The following FAR1 variants were observed in gnomAD, a reference collection of about 807,000 sequenced individuals.
The protein encoded by FAR1 is male sterility domain-containing protein 2.
In FAR1, 22 loss-of-function variants were observed where a neutral mutation model predicts 61.1. That is an observed-to-expected ratio of 0.36 (90% confidence interval 0.26 to 0.51). The LOEUF (loss-of-function observed/expected upper bound fraction) is 0.51. Among genes scored for constraint, FAR1 ranks in the 20% least tolerant of loss-of-function variants. The pLI is 0.95. For synonymous variants in FAR1, 206 were observed against 209.7 expected (o/e 0.98, Z 0.15); for missense variants, 359 against 626.9 (o/e 0.57, Z 4.56).
At chr11:13,695,760 C>G (rs1242855911) in intron 2 of FAR1, among the ~76,000 whole-genome samples, 1 of 152,140 alleles carries the variant, frequency 6.6e-6, no homozygotes, top group Non-Finnish European at 1.5e-5. Flanking sequence ...TAGCAACCAA[C>G]CAGACTTTTG....
chr11:13,721,726 A>G lies in FAR1; in HGVS notation c.1128-4A>G. The G allele has an allele frequency of 3.1e-6, 5 of 1,609,162 alleles. No individual in the cohort carries two copies. The highest frequency in any genetic ancestry group is 4.2e-6 in the Non-Finnish European group (5 of 1,178,172). On this transcript the variant is annotated splice_polypyrimidine_tract_variant and splice_region_variant and intron_variant, in intron 9 of 11. Coordinates refer to ENST00000354817, the MANE Select transcript of FAR1 (RefSeq NM_032228.6). The surrounding 1 kb of genome is among the most constrained non-coding windows in gnomAD (Gnocchi z 4.2). ...TGAATCTGTCCATTTTTCTTACAAT[A>G]CAGGATGATGAAAACAATAACTCGT...
At chr11:13,722,877 T>A (rs931099940) in intron 10 of FAR1, among the ~76,000 whole-genome samples, 16 of 148,312 alleles carry the variant, frequency 1.1e-4, no homozygotes, top group East Asian at 3.9e-4. Context: ...TATATATATA[T>A]AAAATATGTA....
chr11:13,695,587 C>G (rs185807563), intron 2 of FAR1, among the ~76,000 whole-genome samples: 1 of 152,206 alleles, frequency 6.6e-6, no homozygotes, highest in East Asian at 1.9e-4. Flanking sequence ...AATCGGAAGG[C>G]TATAAGCTCA....
intron 1 of FAR1, among the ~76,000 whole-genome samples, chr11:13,674,112 C>T (rs1848039438): frequency 6.6e-6 from 1 of 151,982 alleles, no homozygotes; most frequent in Non-Finnish European, 1.5e-5. Context: ...GAGTTCGATA[C>T]CAGCCTGGCC....
At chr11:13,690,465 G>A (rs74833399) in intron 1 of FAR1, among the ~76,000 whole-genome samples, 22,287 of 152,004 alleles carry the variant, frequency 0.15, 1,854 homozygotes, top group South Asian at 0.24. Context: ...CATGGAAATG[G>A]TCCTCCTCTG....
chr11:13,681,601 C>T (rs12222938), intron 1 of FAR1, among the ~76,000 whole-genome samples: 1 of 152,278 alleles, frequency 6.6e-6, no homozygotes, highest in East Asian at 1.9e-4. Context: ...GTCTTTAAGC[C>T]ATTAGCAGCT....
intron 2 of FAR1, among the ~76,000 whole-genome samples, chr11:13,699,463 G>C (rs1472261735): frequency 6.6e-6 from 1 of 152,230 alleles, no homozygotes; most frequent in African/African-American, 2.4e-5. Flanking sequence ...ATCCAGGAAT[G>C]TGGAAGTGAG....
intron 11 of FAR1, among the ~76,000 whole-genome samples, chr11:13,728,396 A>G (rs1848687692): frequency 6.6e-6 from 1 of 151,892 alleles, no homozygotes; most frequent in Non-Finnish European, 1.5e-5. Flanking sequence ...CTGTACTGTG[A>G]TGTATGTAAT....
rs1848704350 is a variant in FAR1 at position 13,729,777 on chromosome 11, A to AAAT, written c.*1005_*1007dup. ...ATTTGCAGGTAGTAATAGCATTAAA[A>AAAT]AATATACTCGTGTGTAAACACATAC... is the stretch of plus-strand genomic sequence containing the variant. On this transcript the variant is annotated 3_prime_UTR_variant, in exon 12 of 12. Coordinates refer to ENST00000354817, the MANE Select transcript of FAR1 (RefSeq NM_032228.6). 1 of 152,102 alleles carries AAAT rather than the reference A, an allele frequency of 6.6e-6. No homozygotes were observed. The highest frequency in any genetic ancestry group is 2.4e-5 in the African/African-American group (1 of 41,468). The allele number at this position is 152,102 out of a possible 1,614,324, so 9.4% of individuals were successfully genotyped here.
intron 1 of FAR1, among the ~76,000 whole-genome samples, chr11:13,675,090 G>A (rs1848051704): frequency 7.0e-6 from 1 of 142,058 alleles, no homozygotes; most frequent in South Asian, 2.2e-4. Context: ...ACCATGCAGT[G>A]TGATAAGTAT....
chr11:13,686,624 A>G (rs1273035150), intron 1 of FAR1: 4 of 152,214 alleles, frequency 2.6e-5, no homozygotes, highest in African/African-American at 7.2e-5. Context: ...ACTGTGAACA[A>G]TCAGTTGTGA....
At chr11:13,716,725 C>T in intron 9 of FAR1, among the ~76,000 whole-genome samples, 1 of 152,158 alleles carries the variant, frequency 6.6e-6, no homozygotes, top group East Asian at 1.9e-4. Context: ...CTTCTAGTTA[C>T]AAGTGAGTCA....
chr11:13,696,730 A>G (rs959248321), intron 2 of FAR1, among the ~76,000 whole-genome samples: 24 of 152,210 alleles, frequency 1.6e-4, no homozygotes, highest in Admixed American at 1.4e-3. Context: ...TCCTAAAGCC[A>G]TGTATTCTCC....
chr11:13,687,938 G>A (rs557804061), intron 1 of FAR1, among the ~76,000 whole-genome samples: 51 of 132,752 alleles, frequency 3.8e-4, no homozygotes, highest in Admixed American at 8.6e-4. Flanking sequence ...ATCACACACC[G>A]GGGACTGTTG....
In FAR1 at chr11:13,729,294, G is replaced by T. The variant is rs1304587554; in HGVS notation, c.*520G>T. ...AACCAGCGTATTTTCACATCATTCT[G>T]TAAGTTAAATGATATCAAACATGAA... On this transcript the variant is annotated 3_prime_UTR_variant, in exon 12 of 12. Coordinates refer to ENST00000354817, the MANE Select transcript of FAR1 (RefSeq NM_032228.6). 2.0e-5 allele frequency: 3 copies of T among 151,960 alleles called. No individual in the cohort carries two copies. The highest frequency in any genetic ancestry group is 2.9e-5 in the Non-Finnish European group (2 of 67,820). 9.4% of individuals were successfully genotyped at this position (151,960 alleles called of 1,614,324 possible).
intron 1 of FAR1, among the ~76,000 whole-genome samples, chr11:13,678,863 A>AGGTTCAG (rs1486346576): frequency 3.9e-5 from 6 of 152,158 alleles, no homozygotes; most frequent in Non-Finnish European, 7.3e-5. Context: ...TCCTGTTTTT[A>AGGTTCAG]GGTTCAGGCT....
chr11:13,730,308 A>G lies in FAR1; in HGVS notation c.*1534A>G, dbSNP rs1323052332. 2 of 152,466 alleles carry G rather than the reference A, an allele frequency of 1.3e-5. No individual in the cohort carries two copies. Among genetic ancestry groups the G allele is most frequent in the African/African-American group, 2.4e-5 (1 of 41,430 alleles). The allele number at this position is 152,466 out of a possible 1,614,324, so 9.4% of individuals were successfully genotyped here. A position where few individuals can be genotyped will look rare whatever the true frequency, so the allele number is the denominator to read the frequency against. ...AAACTAAATGTAAAGGAAATCACCT[A>G]CTTTCATGCAGGTGTATAATCTTGA... On this transcript the variant is annotated 3_prime_UTR_variant, in exon 12 of 12. Transcript: ENST00000354817.
intron 9 of FAR1, among the ~76,000 whole-genome samples, chr11:13,716,791 T>C (rs1343367619): frequency 6.6e-6 from 1 of 152,148 alleles, no homozygotes; most frequent in Non-Finnish European, 1.5e-5. Flanking sequence ...GTGCCTGACA[T>C]AGCACATTTT....
intron 1 of FAR1, among the ~76,000 whole-genome samples, chr11:13,692,812 G>T (rs1848265164): frequency 6.6e-6 from 1 of 152,092 alleles, no homozygotes; most frequent in South Asian, 2.1e-4. Flanking sequence ...GGATGCAGCA[G>T]TCTTGTGAAC....
Sources: allele counts gnomAD v4.1 joint callset (sites outside exome capture counted in the v4.1 genomes callset), GRCh38; gene constraint gnomAD v4.1.1; non-coding constraint Gnocchi (gnomAD v3.1); transcripts MANE v1.5; gene names NCBI Gene and HGNC (gene_info 2026-07-23, HGNC 2026-07-21).